Variants in HPSE2 observed in about 807,000 individuals in gnomAD.
HPSE2 encodes the protein heparanase 2 (inactive).
HPSE2 carries 38 observed loss-of-function variants against 60.5 expected under a neutral mutation model. That is an observed-to-expected ratio of 0.63 (90% CI 0.48 to 0.82). The LOEUF is 0.82. HPSE2 is among the 40% of genes least tolerant of loss of function. The pLI is 0.00. For missense variants in HPSE2, 713 were observed against 740.4 expected (o/e 0.96, Z 0.43); for synonymous variants, 295 against 293.2 (o/e 1.01, Z -0.06).
chr10:98,939,064 C>T (rs528918560), intron 3 of HPSE2, among the ~76,000 whole-genome samples: 3 of 143,838 alleles, frequency 2.1e-5, no homozygotes, highest in Non-Finnish European at 4.5e-5. Context: ...CAGGCCTGCC[C>T]TAAAACAGCT....
chr10:99,305,221 T>C, the HPSE2 span, among the ~76,000 whole-genome samples: 1 of 149,922 alleles, frequency 6.7e-6, no homozygotes, highest in South Asian at 2.1e-4. Context: ...CTAGTCCCAA[T>C]AAATCTGTGA....
intron 3 of HPSE2, among the ~76,000 whole-genome samples, chr10:98,803,591 T>C (rs1235452878): frequency 6.6e-6 from 1 of 152,074 alleles, no homozygotes; most frequent in Non-Finnish European, 1.5e-5. Context: ...CCTTTCCCCA[T>C]TGCTTGTTTT....
intron 3 of HPSE2, among the ~76,000 whole-genome samples, chr10:99,101,946 G>C (rs1844013819): frequency 6.6e-6 from 1 of 152,164 alleles, no homozygotes; most frequent in Non-Finnish European, 1.5e-5. Context: ...TGAGAACAAA[G>C]ACACAACATA....
At chr10:99,282,726 T>A in the HPSE2 span, among the ~76,000 whole-genome samples, 2 of 151,916 alleles carry the variant, frequency 1.3e-5, no homozygotes, top group Non-Finnish European at 2.9e-5. Flanking sequence ...CACAAATATC[T>A]GGAAATTAAA....
At chr10:99,163,746 T>C (rs1197088149) in intron 2 of HPSE2, among the ~76,000 whole-genome samples, 1 of 152,096 alleles carries the variant, frequency 6.6e-6, no homozygotes, top group African/African-American at 2.4e-5. Flanking sequence ...ACTGTGATAA[T>C]TTCTTGGTCT....
intron 6 of HPSE2, among the ~76,000 whole-genome samples, chr10:98,665,638 C>A (rs536452597): frequency 1.4e-4 from 21 of 152,248 alleles, no homozygotes; most frequent in African/African-American, 3.6e-4. Flanking sequence ...TTTTCAGCAT[C>A]CTCAAAGAAA....
At chr10:99,209,012 A>T (rs1848862382) in intron 2 of HPSE2, among the ~76,000 whole-genome samples, 1 of 152,224 alleles carries the variant, frequency 6.6e-6, no homozygotes, top group South Asian at 2.1e-4. Context: ...GCAAAAATTA[A>T]TAGATCTCAA....
At chr10:99,194,665 C>T (rs1848332913) in intron 2 of HPSE2, among the ~76,000 whole-genome samples, 1 of 151,700 alleles carries the variant, frequency 6.6e-6, no homozygotes, top group African/African-American at 2.4e-5. Flanking sequence ...GAAACAAACA[C>T]ATACAACTCA....
At chr10:98,753,263 C>A (rs1047962037) in intron 3 of HPSE2, among the ~76,000 whole-genome samples, 1 of 152,038 alleles carries the variant, frequency 6.6e-6, no homozygotes, top group Non-Finnish European at 1.5e-5. Flanking sequence ...CAAGTGCTGG[C>A]GTGGGTAAGA....
intron 3 of HPSE2, among the ~76,000 whole-genome samples, chr10:98,927,408 C>T (rs534151961): frequency 1.1e-4 from 16 of 151,074 alleles, no homozygotes; most frequent in South Asian, 4.2e-4. Flanking sequence ...AATGGCCATA[C>T]TGCCCAAGGT....
intron 3 of HPSE2, among the ~76,000 whole-genome samples, chr10:98,842,117 A>C (rs150164110): frequency 1.2e-3 from 184 of 152,258 alleles, no homozygotes; most frequent in Middle Eastern, 3.4e-3. Flanking sequence ...ACACTCAATA[A>C]ATTTATTGAG....
intron 5 of HPSE2, among the ~76,000 whole-genome samples, chr10:98,696,137 C>T (rs1948206476): frequency 6.6e-6 from 1 of 151,920 alleles, no homozygotes; most frequent in African/African-American, 2.4e-5. Flanking sequence ...CAATCTTAGA[C>T]ACAAATGTCA....
intron 3 of HPSE2, among the ~76,000 whole-genome samples, chr10:99,021,087 A>G (rs112956049): frequency 3.9e-5 from 6 of 152,330 alleles, no homozygotes; most frequent in African/African-American, 1.4e-4. Context: ...TGATCCCTCC[A>G]TTAAAAGCTT....
At chr10:98,512,517 G>A (rs546114089) in intron 9 of HPSE2, among the ~76,000 whole-genome samples, 21 of 151,952 alleles carry the variant, frequency 1.4e-4, no homozygotes, top group African/African-American at 3.9e-4. Context: ...CCCGGGAGGC[G>A]GAGGTTGCAG....
At chr10:98,942,882 C>T (rs576842460) in intron 3 of HPSE2, among the ~76,000 whole-genome samples, 50 of 151,754 alleles carry the variant, frequency 3.3e-4, no homozygotes, top group African/African-American at 1.1e-3. Flanking sequence ...ACATATACAC[C>T]ATGGAATACT....
intron 3 of HPSE2, among the ~76,000 whole-genome samples, chr10:98,986,493 G>A (rs1481461281): frequency 4.0e-5 from 6 of 151,192 alleles, no homozygotes; most frequent in Admixed American, 1.3e-4. Context: ...ATTCAAAGCA[G>A]TGTGTAGAGG....
At chr10:99,312,118 A>G in the HPSE2 span, among the ~76,000 whole-genome samples, 1 of 152,250 alleles carries the variant, frequency 6.6e-6, no homozygotes, top group African/African-American at 2.4e-5. Context: ...TAAGAAAAAA[A>G]GCCATCTCCA....
At chr10:98,676,768 G>C (rs1947654376) in intron 6 of HPSE2, among the ~76,000 whole-genome samples, 1 of 152,192 alleles carries the variant, frequency 6.6e-6, no homozygotes, top group Admixed American at 6.5e-5. Flanking sequence ...GAGTTAGACA[G>C]AGAGTATAAA....
chr10:99,236,794 TA>T (rs1165893983), upstream of HPSE2, among the ~76,000 whole-genome samples: 1 of 152,190 alleles, frequency 6.6e-6, no homozygotes, highest in Admixed American at 6.5e-5. Flanking sequence ...AAGTCGAAGC[TA>T]CCTGAGCTGT....
Sources: allele counts gnomAD v4.1 joint callset (sites outside exome capture counted in the v4.1 genomes callset), GRCh38; gene constraint gnomAD v4.1.1; transcripts MANE v1.5; gene names NCBI Gene and HGNC (gene_info 2026-07-23, HGNC 2026-07-21).